The following MRTFB variants were observed in gnomAD, a reference collection of about 807,000 sequenced individuals.
MRTFB encodes the protein myocardin-related transcription factor B.
Under a neutral mutation model 104.2 loss-of-function variants are expected in MRTFB, and 29 were observed. That is an observed-to-expected ratio of 0.28 (90% CI 0.21 to 0.38). The LOEUF is 0.38. Ranked by LOEUF, MRTFB falls within the 10% of genes least tolerant of loss-of-function variation. The pLI is 1.00. For synonymous variants in MRTFB, 535 were observed against 519.5 expected (o/e 1.03, Z -0.41); for missense variants, 1,270 against 1,341.6 (o/e 0.95, Z 0.83).
intron 2 of MRTFB, among the ~76,000 whole-genome samples, chr16:14,090,522 G>A (rs1387995393): frequency 6.6e-6 from 1 of 152,182 alleles, no homozygotes; most frequent in Admixed American, 6.5e-5. Context: ...TATCTTTAAG[G>A]AACAGGAGCT....
At chr16:14,040,340 G>A in the MRTFB span, among the ~76,000 whole-genome samples, 2 of 152,250 alleles carry the variant, frequency 1.3e-5, no homozygotes, top group East Asian at 1.9e-4. Flanking sequence ...GAAATTGCTG[G>A]GTTATAGAAT....
chr16:14,053,452 G>C, the MRTFB span, among the ~76,000 whole-genome samples: 746 of 152,124 alleles, frequency 4.9e-3, 8 homozygotes, highest in African/African-American at 0.017. Flanking sequence ...AAAAAATTAG[G>C]CTGGGCACAG....
At position 14,247,622 on chromosome 16, in the gene MRTFB, G is replaced by A. The variant is rs115587992; in HGVS notation, c.2247+115G>A. ...TAAATGCGTCCAGAGCAGACCCCAC[G>A]GAGAAAACGTATGCATGTGTGAGAG... On this transcript the variant is annotated intron_variant, in intron 12 of 16. Transcript: ENST00000571589. The A allele has an allele frequency of 4.1e-3, 3,726 of 905,858 alleles. 115 individuals are homozygous for A. The African/African-American group carries it at 0.055, about 13-fold the overall frequency. The allele number at this position is 905,858 out of a possible 1,614,324, so 56.1% of individuals were successfully genotyped here.
At chr16:14,041,136 A>G in the MRTFB span, among the ~76,000 whole-genome samples, 5 of 146,994 alleles carry the variant, frequency 3.4e-5, no homozygotes, top group Non-Finnish European at 7.5e-5. Flanking sequence ...CTGCCAAGGA[A>G]GGAAGGAAGG....
chr16:14,217,151 G>A lies in MRTFB; in HGVS notation c.378G>A (p.Gln126=). The part of the protein sequence containing the change: ...LEETFAEPSL[Q]ATQMKLKRAR... ...AAACATTTGCAGAGCCATCCCTGCA[G>A]GCTACTCAGATGAAGTTGAAAAGAG... Residue 126 remains glutamine (Q), a synonymous_variant, in exon 7 of 17, where the codon CAG becomes CAA. Coordinates refer to ENST00000571589, the MANE Select transcript of MRTFB (RefSeq NM_001308142.2). The A allele has an allele frequency of 1.2e-6, 2 of 1,613,386 alleles. No homozygotes were observed. The highest frequency in any genetic ancestry group is 2.2e-5 in the South Asian group (2 of 90,800).
chr16:14,229,575 T>C (rs1382164053), intron 8 of MRTFB, among the ~76,000 whole-genome samples: 1 of 152,226 alleles, frequency 6.6e-6, no homozygotes, highest in Admixed American at 6.5e-5. Context: ...CTGGCCCTTG[T>C]CCTGTGTACC....
chr16:14,225,737 C>T (rs1365969786), intron 8 of MRTFB, among the ~76,000 whole-genome samples: 2 of 152,102 alleles, frequency 1.3e-5, no homozygotes, highest in Non-Finnish European at 2.9e-5. Flanking sequence ...CCATATTGAC[C>T]AAGCTGGTCT....
chr16:14,045,675 A>T, the MRTFB span, among the ~76,000 whole-genome samples: 2 of 152,218 alleles, frequency 1.3e-5, no homozygotes, highest in African/African-American at 2.4e-5. Context: ...GAAGCAATTC[A>T]TGTACTCTCC....
intron 3 of MRTFB, among the ~76,000 whole-genome samples, chr16:14,196,432 G>T (rs182557889): frequency 1.3e-5 from 2 of 152,188 alleles, no homozygotes; most frequent in Non-Finnish European, 2.9e-5. Flanking sequence ...GCAAGGGATG[G>T]TGGTTTAGAA....
chr16:14,161,004 A>G (rs2039011384), intron 3 of MRTFB, among the ~76,000 whole-genome samples: 1 of 151,700 alleles, frequency 6.6e-6, no homozygotes. Context: ...TTAGGAACCA[A>G]GATCTGAGAA....
chr16:14,017,647 ATGTGTGTGTGTGTGTGTATT>A, the MRTFB span, among the ~76,000 whole-genome samples: 1 of 58,920 alleles, frequency 1.7e-5, no homozygotes, highest in East Asian at 5.8e-4. Flanking sequence ...ATATGTATAT[ATGTGTGTGTGTGTGTGTATT>A]TGTGTGTGTG....
At chr16:14,211,855 G>A (rs925829591) in intron 4 of MRTFB, among the ~76,000 whole-genome samples, 10 of 152,140 alleles carry the variant, frequency 6.6e-5, no homozygotes, top group Admixed American at 3.3e-4. Context: ...TCACCTCCTT[G>A]CAAGGTTATT....
intron 13 of MRTFB, among the ~76,000 whole-genome samples, chr16:14,249,731 G>A (rs2043175420): frequency 1.3e-5 from 2 of 152,232 alleles, no homozygotes; most frequent in Admixed American, 6.5e-5. Context: ...GTGGAGCTAT[G>A]TGCACATCTC....
the MRTFB span, among the ~76,000 whole-genome samples, chr16:14,023,154 C>T: frequency 6.6e-6 from 1 of 152,086 alleles, no homozygotes; most frequent in African/African-American, 2.4e-5. Context: ...ATATGGGCTC[C>T]AGGACTGGGG....
At chr16:14,023,190 G>C in the MRTFB span, among the ~76,000 whole-genome samples, 1 of 152,066 alleles carries the variant, frequency 6.6e-6, no homozygotes, top group Non-Finnish European at 1.5e-5. Flanking sequence ...TATAACCCCA[G>C]CACTTTAGGA....
At chr16:14,231,577 C>G (rs560576290) in intron 8 of MRTFB, among the ~76,000 whole-genome samples, 1 of 152,156 alleles carries the variant, frequency 6.6e-6, no homozygotes, top group African/African-American at 2.4e-5. Flanking sequence ...GTGTTGTTCC[C>G]CTCTATGTGT....
At chr16:14,011,406 A>G in the MRTFB span, among the ~76,000 whole-genome samples, 1 of 152,344 alleles carries the variant, frequency 6.6e-6, no homozygotes, top group East Asian at 1.9e-4. Flanking sequence ...GTTAAAGGAA[A>G]GCACTCTGAG....
Position 14,240,258 on chromosome 16 carries a change from A to G in MRTFB, c.853A>G (p.Asn285Asp), listed in dbSNP as rs2042705590. Reference protein sequence around the residue: ...LVKQSHPKNPNDKHRSKKCKD... With the variant: ...LVKQSHPKNPDDKHRSKKCKD... ...ATAGCAAAGCCATCCCAAGAATCCA[A>G]ATGACAAACACCGTAGCAAAAAGTG... The change falls in exon 10 of 17, where the codon AAT (asparagine) becomes GAT (aspartate). Residue 285 changes from asparagine to aspartate, a missense_variant. Coordinates refer to ENST00000571589, the MANE Select transcript of MRTFB (RefSeq NM_001308142.2). The G allele has an allele frequency of 6.2e-7, 1 of 1,601,114 alleles. No individual in the cohort carries two copies. The highest frequency in any genetic ancestry group is 8.5e-7 in the Non-Finnish European group (1 of 1,174,920).
At chr16:14,196,279 T>A (rs868359391) in intron 3 of MRTFB, among the ~76,000 whole-genome samples, 1 of 152,260 alleles carries the variant, frequency 6.6e-6, no homozygotes, top group African/African-American at 2.4e-5. Context: ...GACCTCATGC[T>A]GCAGATTATC....
Sources: gnomAD v4.1 joint callset for allele counts (sites outside exome capture counted in the v4.1 genomes callset) on GRCh38, gnomAD v4.1.1 for gene constraint, MANE v1.5 for transcripts, NCBI Gene and HGNC (gene_info 2026-07-23, HGNC 2026-07-21) for gene names.